The following PAPSS1 variants were observed in gnomAD, a reference collection of about 807,000 sequenced individuals.
The protein encoded by PAPSS1 is 3'-phosphoadenosine 5'-phosphosulfate synthase 1.
PAPSS1 carries 50 observed loss-of-function variants against 72.0 expected under a neutral mutation model. That is an observed-to-expected ratio of 0.69 (90% CI 0.55 to 0.88). PAPSS1 has a LOEUF of 0.88. PAPSS1 is among the 40% of genes least tolerant of loss of function. The probability of loss-of-function intolerance (pLI) is 0.00; values close to 1 mark genes in which losing one functional copy is unlikely to be tolerated. For synonymous variants in PAPSS1, 261 were observed against 263.6 expected, an observed-to-expected ratio of 0.99 and a Z score of 0.09; for missense variants, 657 against 782.2, an observed-to-expected ratio of 0.84 and a Z score of 1.91.
In PAPSS1 at chr4:107,687,126, C is replaced by CA. The variant is rs1227973798; in HGVS notation, c.462dup (p.Glu155Ter). The CA allele has an allele frequency of 6.3e-7, 1 of 1,597,726 alleles. No homozygotes were observed. The highest frequency in any genetic ancestry group is 1.8e-5 in the Admixed American group (1 of 56,080). On this transcript the variant is annotated frameshift_variant, in exon 4 of 12. Transcript: ENST00000265174. LOFTEE classifies it high-confidence loss of function. ...TGCAGAGGAGCATCAACAAATACTT[C>CA]AAAAAACGGTAAACTTGCACCTTCA...
At position 107,673,857 on chromosome 4, in the gene PAPSS1, A is replaced by G. The variant is rs143418374; in HGVS notation, c.669+8158T>C. On this transcript the variant is annotated intron_variant, in intron 5 of 11. Transcript: ENST00000265174. The stretch of plus-strand genomic sequence containing the variant: ...GACTAACAGCTGATCTCTCAGCAGA[A>G]GCTCTATAAGCCAGAAGAGAGTGGG... Among the ~76,000 whole-genome samples, 794 of 152,372 alleles carry G rather than the reference A, an allele frequency of 5.2e-3. 7 individuals carry two copies. The highest frequency in any genetic ancestry group is 0.019 in the African/African-American group (772 of 41,584).
chr4:107,637,344 G>A (rs957298577), intron 10 of PAPSS1, among the ~76,000 whole-genome samples: 2 of 151,748 alleles, frequency 1.3e-5, no homozygotes, highest in African/African-American at 2.4e-5. Flanking sequence ...CAAAGACTTC[G>A]GTAAATTTTA....
Position 107,613,818 on chromosome 4 carries a change from A to C in PAPSS1, c.*431T>G, listed in dbSNP as rs1429240926. On this transcript the variant is annotated 3_prime_UTR_variant, in exon 12 of 12. Transcript: ENST00000265174. ...TTTCTATTTTCAATGTAGAAAAAAA[A>C]TCTAATCGCTACAAAGGTCTTGTAA... 6.6e-6 allele frequency: 1 copy of C among 152,438 alleles called. No individual in the cohort carries two copies. The highest frequency in any genetic ancestry group is 2.4e-5 in the African/African-American group (1 of 41,470). The allele number at this position is 152,438 out of a possible 1,614,324, so 9.4% of individuals were successfully genotyped here. A position where few individuals can be genotyped will look rare whatever the true frequency, so the allele number is the denominator to read the frequency against.
At chr4:107,708,475 T>C (rs1356271732) in intron 1 of PAPSS1, among the ~76,000 whole-genome samples, 2 of 152,260 alleles carry the variant, frequency 1.3e-5, no homozygotes, top group Admixed American at 1.3e-4. Flanking sequence ...TTTTTCCAAG[T>C]TACTTCACTC....
At chr4:107,668,788 AAT>A in intron 5 of PAPSS1, among the ~76,000 whole-genome samples, 1 of 152,140 alleles carries the variant, frequency 6.6e-6, no homozygotes, top group Middle Eastern at 3.4e-3. Flanking sequence ...ATATATATAA[AAT>A]ATATATACAC....
chr4:107,668,446 G>C (rs1273675165), intron 5 of PAPSS1, among the ~76,000 whole-genome samples: 2 of 152,158 alleles, frequency 1.3e-5, no homozygotes, highest in Non-Finnish European at 2.9e-5. Flanking sequence ...ACAAAGCATT[G>C]ATCCTGGGTG....
At chr4:107,702,503 G>A (rs4956131) in intron 1 of PAPSS1, among the ~76,000 whole-genome samples, 73,615 of 151,788 alleles carry the variant, frequency 0.48, 19,569 homozygotes, top group South Asian at 0.65. Context: ...CATCCTCCTC[G>A]ACCCCCACTC....
At chr4:107,713,573 CATGGTAAA>C (rs1238172053) in intron 1 of PAPSS1, among the ~76,000 whole-genome samples, 1 of 152,094 alleles carries the variant, frequency 6.6e-6, no homozygotes, top group Non-Finnish European at 1.5e-5. Flanking sequence ...TCCTGACCAA[CATGGTAAA>C]ATCTCATCTC....
Position 107,693,751 on chromosome 4 carries a change from A to G in PAPSS1, c.411+20T>C, listed in dbSNP as rs772149833. The G allele has an allele frequency of 6.5e-7, 1 of 1,540,788 alleles. No homozygotes were observed. Among genetic ancestry groups the G allele is most frequent in the Non-Finnish European group, 9.0e-7 (1 of 1,113,510 alleles). On this transcript the variant is annotated intron_variant, in intron 3 of 11. Transcript: ENST00000265174. ...CTCAATAAATGTAAGCAGAAAGGCA[A>G]TGGCACAAAAACCACATACCTGAGT...
chr4:107,669,277 C>T (rs1030935750), intron 5 of PAPSS1, among the ~76,000 whole-genome samples: 4 of 152,244 alleles, frequency 2.6e-5, no homozygotes, highest in Non-Finnish European at 5.9e-5. Flanking sequence ...CAGGTATTCA[C>T]TGGTTTCTCC....
intron 5 of PAPSS1, among the ~76,000 whole-genome samples, chr4:107,662,249 T>C (rs1727200499): frequency 6.6e-6 from 1 of 152,166 alleles, no homozygotes; most frequent in Non-Finnish European, 1.5e-5. Context: ...TCACTGTTCA[T>C]AGGAGGAAAG....
intron 5 of PAPSS1, among the ~76,000 whole-genome samples, chr4:107,676,655 A>G (rs1216644924): frequency 6.6e-6 from 1 of 152,164 alleles, no homozygotes; most frequent in African/African-American, 2.4e-5. Context: ...GGCTACCAAG[A>G]ACTTTCTTCA....
At chr4:107,625,563 A>C (rs1726072616) in intron 11 of PAPSS1, among the ~76,000 whole-genome samples, 1 of 152,206 alleles carries the variant, frequency 6.6e-6, no homozygotes, top group South Asian at 2.1e-4. Flanking sequence ...GGCTAATAAC[A>C]GGGTTCAGTC....
intron 5 of PAPSS1, among the ~76,000 whole-genome samples, chr4:107,675,698 T>C (rs1428416956): frequency 1.3e-5 from 2 of 152,136 alleles, no homozygotes; most frequent in South Asian, 2.1e-4. Flanking sequence ...GCCAGCATCA[T>C]CCTGCTACCA....
Position 107,654,615 on chromosome 4 carries a change from C to CG in PAPSS1, c.1101+79_1101+80insC, listed in dbSNP as rs958390905. Reference sequence around the variant, plus strand: ...AATATTAACAATTCCAATGAAAAGTCAATACACAGAAAATGCCCACATTTC... The same window carrying CG: ...AATATTAACAATTCCAATGAAAAGTCGAATACACAGAAAATGCCCACATTTC... On this transcript the variant is annotated intron_variant, in intron 8 of 11. Coordinates refer to ENST00000265174, the MANE Select transcript of PAPSS1 (RefSeq NM_005443.5). 1.2e-5 allele frequency: 13 copies of CG among 1,108,302 alleles called. No individual in the cohort carries two copies. In the Admixed American group the frequency reaches 2.1e-4, roughly 18 times the overall value. The allele number at this position is 1,108,302 out of a possible 1,614,324, so 68.7% of individuals were successfully genotyped here. A position where few individuals can be genotyped will look rare whatever the true frequency, so the allele number is the denominator to read the frequency against.
In PAPSS1 at chr4:107,652,674, G is replaced by A. The variant is rs777024345; in HGVS notation, c.1237+817C>T. Among the ~76,000 whole-genome samples the A allele has an allele frequency of 1.4e-4, 21 of 152,208 alleles. 1 individual carries two copies. The highest frequency in any genetic ancestry group is 5.8e-4 in the East Asian group (3 of 5,178). On this transcript the variant is annotated intron_variant, in intron 9 of 11. Coordinates refer to ENST00000265174, the MANE Select transcript of PAPSS1 (RefSeq NM_005443.5). ...ATGAAGTGAACATGATAAAAGTTCC[G>A]TTGTTCCATTATTTGCTGCGATAAA...
At chr4:107,689,233 T>C (rs967309470) in intron 3 of PAPSS1, among the ~76,000 whole-genome samples, 2 of 152,222 alleles carry the variant, frequency 1.3e-5, no homozygotes, top group African/African-American at 4.8e-5. Context: ...TCCGAGTTTC[T>C]TAATGTGAGG....
chr4:107,651,789 G>A (rs538907800), intron 9 of PAPSS1, among the ~76,000 whole-genome samples: 39 of 152,174 alleles, frequency 2.6e-4, no homozygotes, highest in African/African-American at 7.2e-4. Context: ...CAGCCAAACC[G>A]TATCAACAAC....
At chr4:107,662,308 A>G (rs948376990) in intron 5 of PAPSS1, among the ~76,000 whole-genome samples, 1 of 152,222 alleles carries the variant, frequency 6.6e-6, no homozygotes, top group Non-Finnish European at 1.5e-5. Context: ...GACACTTTGT[A>G]TACCTTCCAA....
Sources: allele counts gnomAD v4.1 joint callset (sites outside exome capture counted in the v4.1 genomes callset), GRCh38; gene constraint gnomAD v4.1.1; transcripts MANE v1.5; gene names NCBI Gene and HGNC (gene_info 2026-07-23, HGNC 2026-07-21).